Variants in IKZF1 observed in about 807,000 individuals in gnomAD.
IKZF1 encodes the protein DNA-binding protein Ikaros.
A neutral mutation model predicts 51.7 loss-of-function variants in IKZF1; 10 were observed. That is an observed-to-expected ratio of 0.19 (90% confidence interval 0.12 to 0.33). IKZF1 has a LOEUF of 0.33. Ranked by LOEUF, IKZF1 falls within the 10% of genes least tolerant of loss-of-function variation. IKZF1 has a pLI of 1.00. For missense variants in IKZF1, 484 were observed against 707.5 expected (o/e 0.68, Z 3.58); for synonymous variants, 280 against 282.3 (o/e 0.99, Z 0.08).
At chr7:50,347,667 G>T (rs767193429) in intron 3 of IKZF1, among the ~76,000 whole-genome samples, 2 of 152,022 alleles carry the variant, frequency 1.3e-5, no homozygotes, top group African/African-American at 4.8e-5. Flanking sequence ...TTTTATTTTC[G>T]TGAGTGGAAA....
At chr7:50,350,805 A>G (rs1283495897) in intron 3 of IKZF1, among the ~76,000 whole-genome samples, 1 of 152,196 alleles carries the variant, frequency 6.6e-6, no homozygotes, top group Non-Finnish European at 1.5e-5. Context: ...CTGTGAAAGA[A>G]ATAGCAGAGC....
At chr7:50,356,979 T>C (rs1205092876) in intron 3 of IKZF1, among the ~76,000 whole-genome samples, 1 of 150,920 alleles carries the variant, frequency 6.6e-6, no homozygotes, top group Non-Finnish European at 1.5e-5. Context: ...CTGGTGGTGC[T>C]CTAAAACCTA....
In IKZF1 at chr7:50,402,420, C is replaced by T. The variant is rs902895645; in HGVS notation, c.*1793C>T. Reference sequence around the variant, plus strand: ...GTATCCCTGGTGGCTACCCAATAGACGCCAGTAGCACCCCGAATTGACAAC... The same window carrying T: ...GTATCCCTGGTGGCTACCCAATAGATGCCAGTAGCACCCCGAATTGACAAC... On this transcript the variant is annotated 3_prime_UTR_variant, in exon 8 of 8. Coordinates refer to ENST00000331340, the MANE Select transcript of IKZF1 (RefSeq NM_006060.6). The T allele has an allele frequency of 3.1e-4, 71 of 230,754 alleles. No homozygotes were observed. Among genetic ancestry groups the T allele is most frequent in the Non-Finnish European group, 5.1e-4 (59 of 116,512 alleles). The allele number at this position is 230,754 out of a possible 1,614,324, so 14.3% of individuals were successfully genotyped here.
chr7:50,342,844 C>T (rs987475715), intron 3 of IKZF1, among the ~76,000 whole-genome samples: 1 of 152,200 alleles, frequency 6.6e-6, no homozygotes, highest in Non-Finnish European at 1.5e-5. Context: ...AACCGCTGCT[C>T]TTCCTGCAGT....
chr7:50,387,580 G>C (rs1584956263), intron 6 of IKZF1, 110 bp downstream of exon 6: 1 of 1,388,288 alleles, frequency 7.2e-7, no homozygotes, highest in East Asian at 2.8e-5. Flanking sequence ...CCTGCTTCCT[G>C]CCGGGGCTAG....
At chr7:50,333,742 G>A (rs1213479927) in intron 3 of IKZF1, among the ~76,000 whole-genome samples, 1 of 152,116 alleles carries the variant, frequency 6.6e-6, no homozygotes, top group Non-Finnish European at 1.5e-5. Context: ...TTGGATTCTT[G>A]TTCACCTTGC....
chr7:50,378,923 CA>C (rs1342586810), intron 4 of IKZF1, among the ~76,000 whole-genome samples: 1 of 152,210 alleles, frequency 6.6e-6, no homozygotes, highest in Non-Finnish European at 1.5e-5. Context: ...CTGGTTTGGC[CA>C]AACTTGGTTT....
chr7:50,303,807 G>C (rs1394519755), upstream of IKZF1, among the ~76,000 whole-genome samples: 1 of 151,146 alleles, frequency 6.6e-6, no homozygotes, highest in Non-Finnish European at 1.5e-5. The surrounding 1 kb of genome is among the most constrained non-coding windows in gnomAD (Gnocchi z 4.7). Context: ...GCGGCCCCGG[G>C]TGCAGGGTGG....
At chr7:50,349,539 T>C (rs1727564402) in intron 3 of IKZF1, among the ~76,000 whole-genome samples, 3 of 152,172 alleles carry the variant, frequency 2.0e-5, no homozygotes, top group African/African-American at 4.8e-5. Context: ...GGTTTAGCCA[T>C]GGAAGCCTCA....
chr7:50,327,925 G>A, intron 3 of IKZF1, 168 bp downstream of exon 3: 2 of 780,312 alleles, frequency 2.6e-6, no homozygotes, highest in Non-Finnish European at 4.0e-6. Context: ...TCTGGTGTGT[G>A]GGAGGATGGA....
At chr7:50,310,953 A>G (rs1790022674) in intron 1 of IKZF1, among the ~76,000 whole-genome samples, 1 of 152,226 alleles carries the variant, frequency 6.6e-6, no homozygotes. Flanking sequence ...CTACTAAGAG[A>G]CCAAACTACA....
At chr7:50,363,951 A>G (rs1181634938) in intron 3 of IKZF1, among the ~76,000 whole-genome samples, 1 of 152,242 alleles carries the variant, frequency 6.6e-6, no homozygotes, top group Admixed American at 6.5e-5. Context: ...ACCACAAACC[A>G]TACTCAAACA....
chr7:50,395,984 T>C (rs1259620779), intron 7 of IKZF1, among the ~76,000 whole-genome samples: 1 of 152,242 alleles, frequency 6.6e-6, no homozygotes, highest in African/African-American at 2.4e-5. Flanking sequence ...TTGCATTTTA[T>C]TCCTGAATGC....
intron 1 of IKZF1, among the ~76,000 whole-genome samples, chr7:50,312,002 T>C (rs765836689): frequency 2.4e-4 from 36 of 152,204 alleles, no homozygotes; most frequent in Non-Finnish European, 4.0e-4. Flanking sequence ...TGTGGACCCT[T>C]CTTTTAGAGG....
chr7:50,375,616 T>C (rs1418151507), intron 3 of IKZF1, among the ~76,000 whole-genome samples: 1 of 152,092 alleles, frequency 6.6e-6, no homozygotes, highest in Non-Finnish European at 1.5e-5. Context: ...TCAAATGACA[T>C]AATTACCTTG....
intron 4 of IKZF1, among the ~76,000 whole-genome samples, chr7:50,378,035 G>A (rs1376249200): frequency 6.6e-6 from 1 of 152,270 alleles, no homozygotes; most frequent in South Asian, 2.1e-4. Flanking sequence ...TTCCGTGGGG[G>A]CGAACAAAAA....
chr7:50,387,467 C>CCAGGTAAGCGCTGCTG lies in IKZF1; in HGVS notation c.714_715+14dup. 1 of 1,609,508 alleles carries CCAGGTAAGCGCTGCTG rather than the reference C, an allele frequency of 6.2e-7. No homozygotes were observed. Among genetic ancestry groups the CCAGGTAAGCGCTGCTG allele is most frequent in the Non-Finnish European group, 8.5e-7 (1 of 1,178,188 alleles). On this transcript the variant is annotated frameshift_variant, in exon 6 of 8. Coordinates refer to ENST00000331340, the MANE Select transcript of IKZF1 (RefSeq NM_006060.6). LOFTEE classifies it high-confidence loss of function. ...CATGGGCCTTCCGGGCACACTGTAC[C>CCAGGTAAGCGCTGCTG]CAGGTAAGCGCTGCTGCTCGGAGGC...
At chr7:50,307,616 G>A (rs1294460060) in intron 1 of IKZF1, among the ~76,000 whole-genome samples, 2 of 152,098 alleles carry the variant, frequency 1.3e-5, no homozygotes, top group Non-Finnish European at 2.9e-5. Context: ...CCATTTTATG[G>A]GAGAAAACAC....
chr7:50,347,925 C>T (rs543267442), intron 3 of IKZF1, among the ~76,000 whole-genome samples: 1 of 152,328 alleles, frequency 6.6e-6, no homozygotes, highest in South Asian at 2.1e-4. Flanking sequence ...TTGAACCAAG[C>T]TGTGCTGCAG....
Sources: gnomAD v4.1 joint callset for allele counts (sites outside exome capture counted in the v4.1 genomes callset) on GRCh38, gnomAD v4.1.1 for gene constraint, Gnocchi (gnomAD v3.1) non-coding constraint, MANE v1.5 for transcripts, NCBI Gene and HGNC (gene_info 2026-07-23, HGNC 2026-07-21) for gene names.